Variants in WWOX observed in about 807,000 individuals in gnomAD.
WWOX encodes the protein WW domain containing oxidoreductase.
A neutral mutation model predicts 46.2 loss-of-function variants in WWOX; 69 were observed. The ratio of observed to expected loss-of-function variants is 1.49; its 90% CI spans 1.23 to 1.82. WWOX has a LOEUF of 1.82. Ranked by LOEUF, WWOX falls within the 40% of genes most tolerant of loss-of-function variation. WWOX has a pLI of 0.00. For missense variants in WWOX, 919 were observed against 542.6 expected (o/e 1.69, Z -6.89); for synonymous variants, 359 against 202.6 (o/e 1.77, Z -6.56).
At chr16:78,263,554 T>A (rs1176157442) in intron 5 of WWOX, among the ~76,000 whole-genome samples, 1 of 152,156 alleles carries the variant, frequency 6.6e-6, no homozygotes, top group Middle Eastern at 3.2e-3. Context: ...CTGGCTGCAG[T>A]TGATTTGTTA....
intron 8 of WWOX, among the ~76,000 whole-genome samples, chr16:79,172,913 C>T (rs59938112): frequency 5.3e-5 from 8 of 151,624 alleles, no homozygotes; most frequent in Admixed American, 2.0e-4. Flanking sequence ...CCCAGCTACT[C>T]AGGGGGCTGA....
Position 79,185,055 on chromosome 16 carries a change from C to T in WWOX, c.1057-26553C>T, listed in dbSNP as rs193200990. Among the ~76,000 whole-genome samples, 757 of 152,264 alleles carry T rather than the reference C, an allele frequency of 5.0e-3. 7 individuals carry two copies. Among genetic ancestry groups the T allele is most frequent in the African/African-American group, 0.017 (724 of 41,554 alleles). ...TTTGATTAACGCTCACCTTCTGGTCCTTTTGTGATTTGAGAGGTCTTGAGA... is the reference window on the plus strand; with the variant it reads ...TTTGATTAACGCTCACCTTCTGGTCTTTTTGTGATTTGAGAGGTCTTGAGA... On this transcript the variant is annotated intron_variant, in intron 8 of 8. Coordinates refer to ENST00000566780, the MANE Select transcript of WWOX (RefSeq NM_016373.4).
intron 8 of WWOX, among the ~76,000 whole-genome samples, chr16:79,145,099 A>G (rs2050160839): frequency 6.6e-6 from 1 of 152,194 alleles, no homozygotes. Context: ...ATTATGGGTC[A>G]GAGCTTGTTG....
At chr16:78,849,203 G>T (rs1190034374) in intron 8 of WWOX, among the ~76,000 whole-genome samples, 2 of 152,164 alleles carry the variant, frequency 1.3e-5, no homozygotes, top group Non-Finnish European at 2.9e-5. Context: ...AAGTCTCTGG[G>T]AGCACTCACC....
At chr16:78,609,879 C>A (rs1244489379) in intron 8 of WWOX, among the ~76,000 whole-genome samples, 1 of 152,156 alleles carries the variant, frequency 6.6e-6, no homozygotes, top group East Asian at 1.9e-4. Flanking sequence ...CCTTTTCTTG[C>A]TTTAGTGATT....
chr16:79,103,648 C>T (rs936914167), intron 8 of WWOX, among the ~76,000 whole-genome samples: 2 of 152,138 alleles, frequency 1.3e-5, no homozygotes, highest in African/African-American at 2.4e-5. Context: ...AATCCAGTAA[C>T]ATTTAAAATG....
intron 8 of WWOX, among the ~76,000 whole-genome samples, chr16:78,776,418 C>T (rs755715701): frequency 2.5e-4 from 38 of 151,934 alleles, no homozygotes; most frequent in African/African-American, 6.8e-4. Context: ...ACCTACTGTT[C>T]GTCAGTTTTC....
intron 8 of WWOX, chr16:79,206,442 A>T (rs757131236): frequency 6.6e-6 from 1 of 152,218 alleles, no homozygotes; most frequent in Non-Finnish European, 1.5e-5. Flanking sequence ...GATATCAGGT[A>T]GGCTTCTCTC....
At chr16:78,373,546 C>G (rs990397205) in intron 5 of WWOX, among the ~76,000 whole-genome samples, 2 of 152,062 alleles carry the variant, frequency 1.3e-5, no homozygotes, top group East Asian at 3.9e-4. Flanking sequence ...TAGTCAACCT[C>G]TTTTTCCTAT....
At chr16:78,501,616 A>C (rs1428630618) in intron 8 of WWOX, among the ~76,000 whole-genome samples, 1 of 151,624 alleles carries the variant, frequency 6.6e-6, no homozygotes, top group African/African-American at 2.4e-5. Context: ...GGCTCACTGC[A>C]ACCTCTGTCT....
chr16:78,477,950 T>G (rs1179842287), intron 8 of WWOX, among the ~76,000 whole-genome samples: 1 of 152,210 alleles, frequency 6.6e-6, no homozygotes, highest in Admixed American at 6.5e-5. Context: ...GTATTAGAAT[T>G]ACCAGGGGAA....
intron 8 of WWOX, among the ~76,000 whole-genome samples, chr16:78,596,415 T>C (rs2045491846): frequency 2.7e-5 from 4 of 150,746 alleles, no homozygotes; most frequent in Non-Finnish European, 4.5e-5. Context: ...CAGGTCACGG[T>C]GGGATGACAC....
At position 78,280,655 on chromosome 16, in the gene WWOX, C is replaced by T. The variant is rs555146970; in HGVS notation, c.517-106205C>T. ...ATGGTGACAGTGGGAAGTGACAGAG[C>T]GTGGGGTGGGGGTGGGAGGTGCCCC... On this transcript the variant is annotated intron_variant, in intron 5 of 8. Transcript: ENST00000566780. Among the ~76,000 whole-genome samples, 11 of 81,358 alleles carry T rather than the reference C, an allele frequency of 1.4e-4. No homozygotes were observed. The South Asian group carries it at 5.3e-3, about 39-fold the overall frequency. 53.4% of individuals were successfully genotyped at this position (81,358 alleles called of 152,430 possible). A position where few individuals can be genotyped will look rare whatever the true frequency, so the allele number is the denominator to read the frequency against.
intron 5 of WWOX, among the ~76,000 whole-genome samples, chr16:78,370,549 G>C (rs559102553): frequency 5.3e-5 from 8 of 151,780 alleles, no homozygotes; most frequent in Middle Eastern, 3.4e-3. Context: ...CTTCTGTTCT[G>C]TTCTTAAAGT....
intron 8 of WWOX, among the ~76,000 whole-genome samples, chr16:79,178,038 G>A (rs1199443092): frequency 2.0e-5 from 3 of 152,106 alleles, no homozygotes; most frequent in Admixed American, 2.0e-4. Flanking sequence ...GCAGCTCTCT[G>A]GGGCTTCTTT....
chr16:78,598,454 C>T (rs1022524288), intron 8 of WWOX, among the ~76,000 whole-genome samples: 5 of 152,096 alleles, frequency 3.3e-5, no homozygotes, highest in African/African-American at 1.2e-4. Flanking sequence ...CCGCCCTGGC[C>T]CCTGTGCATT....
chr16:79,127,248 C>T (rs2049778129), intron 8 of WWOX, among the ~76,000 whole-genome samples: 1 of 152,104 alleles, frequency 6.6e-6, no homozygotes, highest in South Asian at 2.1e-4. Context: ...CCCTCTACCC[C>T]TTTCCTTTAG....
chr16:78,116,303 C>G (rs1328593260), intron 4 of WWOX, among the ~76,000 whole-genome samples: 1 of 152,156 alleles, frequency 6.6e-6, no homozygotes, highest in Non-Finnish European at 1.5e-5. Context: ...TAATTTTGAA[C>G]AATTCCTTGA....
chr16:78,978,703 G>A (rs2046620372), intron 8 of WWOX, among the ~76,000 whole-genome samples: 1 of 152,140 alleles, frequency 6.6e-6, no homozygotes, highest in Non-Finnish European at 1.5e-5. Flanking sequence ...GAGCAACAGA[G>A]AGCGACTGGG....
Sources: gnomAD v4.1 joint callset for allele counts (sites outside exome capture counted in the v4.1 genomes callset) on GRCh38, gnomAD v4.1.1 for gene constraint, MANE v1.5 for transcripts, NCBI Gene and HGNC (gene_info 2026-07-23, HGNC 2026-07-21) for gene names.